TXLNB: variants seen among roughly 807,000 people sequenced by gnomAD.
The protein encoded by TXLNB is beta-taxilin.
Under a neutral mutation model 57.4 loss-of-function variants are expected in TXLNB, and 37 were observed. The ratio of observed to expected loss-of-function variants is 0.64; its 90% CI spans 0.50 to 0.85. TXLNB has a LOEUF of 0.85. Ranked by LOEUF, TXLNB falls within the 40% of genes least tolerant of loss-of-function variation. The pLI, the probability that TXLNB is intolerant of heterozygous loss-of-function variation, is 0.00. For synonymous variants in TXLNB, 302 were observed against 309.6 expected (o/e 0.98, Z 0.26); for missense variants, 848 against 825.6 (o/e 1.03, Z -0.33).
chr6:139,168,867 T>TC, the TXLNB span, among the ~76,000 whole-genome samples: 1 of 152,226 alleles, frequency 6.6e-6, no homozygotes, highest in East Asian at 1.9e-4. Flanking sequence ...ATACATATTT[T>TC]CCCCTTGGAA....
chr6:139,187,138 A>G, the TXLNB span, among the ~76,000 whole-genome samples: 2 of 152,172 alleles, frequency 1.3e-5, no homozygotes. Flanking sequence ...CATCAGCCAG[A>G]AAAAAATACC....
chr6:139,313,448 A>G, the TXLNB span, among the ~76,000 whole-genome samples: 2 of 152,148 alleles, frequency 1.3e-5, no homozygotes, highest in African/African-American at 4.8e-5. Flanking sequence ...GAAAAAAAAA[A>G]AGTTTCCTCC....
the TXLNB span, among the ~76,000 whole-genome samples, chr6:139,163,573 C>T: frequency 2.0e-5 from 3 of 152,046 alleles, no homozygotes; most frequent in East Asian, 1.9e-4. Flanking sequence ...AGGCTAGTAT[C>T]GAACTCCTGA....
chr6:139,166,980 A>T, the TXLNB span: 21 of 1,614,180 alleles, frequency 1.3e-5, no homozygotes, highest in Non-Finnish European at 1.8e-5. Flanking sequence ...GCCCACTTTG[A>T]TTACAGCCCT....
chr6:139,295,974 AT>A (rs1777381584), upstream of TXLNB, among the ~76,000 whole-genome samples: 1 of 152,160 alleles, frequency 6.6e-6, no homozygotes, highest in African/African-American at 2.4e-5. Flanking sequence ...CAAATAATTT[AT>A]GTATTCTAGT....
At chr6:139,222,554 C>A in the TXLNB span, among the ~76,000 whole-genome samples, 1 of 152,154 alleles carries the variant, frequency 6.6e-6, no homozygotes, top group African/African-American at 2.4e-5. Context: ...CTTCTGTAAT[C>A]CTAGCACTTT....
chr6:139,229,295 C>CCTGACAG, the TXLNB span, among the ~76,000 whole-genome samples: 1 of 151,120 alleles, frequency 6.6e-6, no homozygotes. Context: ...GGCTAATGAG[C>CCTGACAG]AAAAGTGATT....
the TXLNB span, chr6:139,174,630 G>T: frequency 4.3e-5 from 66 of 1,527,198 alleles, no homozygotes; most frequent in African/African-American, 7.4e-4. Flanking sequence ...CAATAAAGAA[G>T]AAATTCAGTC....
At chr6:139,296,569 G>A (rs1019766311), upstream of TXLNB, among the ~76,000 whole-genome samples, 5 of 152,042 alleles carry the variant, frequency 3.3e-5, no homozygotes, top group African/African-American at 1.2e-4. Context: ...AGACTCAAAT[G>A]TTTAACCTCT....
At chr6:139,174,913 C>T in the TXLNB span, among the ~76,000 whole-genome samples, 3 of 151,976 alleles carry the variant, frequency 2.0e-5, no homozygotes, top group Non-Finnish European at 4.4e-5. Context: ...AGTATATTTT[C>T]TAAGATTCTG....
the TXLNB span, among the ~76,000 whole-genome samples, chr6:139,205,422 A>T: frequency 1.4e-4 from 21 of 152,338 alleles, no homozygotes; most frequent in East Asian, 1.7e-3. Context: ...AAAGAAATTT[A>T]AAAAATAGTC....
chr6:139,299,835 T>A, the TXLNB span, among the ~76,000 whole-genome samples: 1 of 151,562 alleles, frequency 6.6e-6, no homozygotes, highest in African/African-American at 2.4e-5. Context: ...AAAAAAAAAA[T>A]GGCTCTTTTA....
the TXLNB span, among the ~76,000 whole-genome samples, chr6:139,184,608 G>A: frequency 2.4e-5 from 2 of 82,274 alleles, no homozygotes; most frequent in African/African-American, 6.6e-5. Context: ...TCTACACCAC[G>A]AATTCATCAT....
the TXLNB span, among the ~76,000 whole-genome samples, chr6:139,219,411 GGCAGCC>G: frequency 6.6e-6 from 1 of 152,312 alleles, no homozygotes; most frequent in African/African-American, 2.4e-5. Context: ...TGCAGAAGCT[GGCAGCC>G]GCACGGAGGC....
chr6:139,235,777 G>A (rs188096826), downstream of TXLNB, among the ~76,000 whole-genome samples: 67 of 152,056 alleles, frequency 4.4e-4, no homozygotes, highest in East Asian at 9.7e-3. Context: ...AAGACCATCC[G>A]GGCCCGCCAC....
rs1017351463 is a variant in TXLNB at position 139,241,803 on chromosome 6, A to G, written c.*723T>C. 1 of 152,244 alleles carries G rather than the reference A, an allele frequency of 6.6e-6. No homozygotes were observed. Among genetic ancestry groups the G allele is most frequent in the African/African-American group, 2.4e-5 (1 of 41,472 alleles). The allele number at this position is 152,244 out of a possible 1,614,324, so 9.4% of individuals were successfully genotyped here. A position where few individuals can be genotyped will look rare whatever the true frequency, so the allele number is the denominator to read the frequency against. ...ATTGGGTTACTTATTTTTGCCCAAC[A>G]TAATGATAGCCTAAATACTTATAGT... On this transcript the variant is annotated 3_prime_UTR_variant, in exon 10 of 10. Coordinates refer to ENST00000358430, the MANE Select transcript of TXLNB (RefSeq NM_153235.4).
the TXLNB span, chr6:139,174,660 A>G: frequency 1.4e-6 from 2 of 1,420,944 alleles, no homozygotes; most frequent in Non-Finnish European, 1.9e-6. Flanking sequence ...TGGCTGAGTT[A>G]CTACTTGTAA....
the TXLNB span, among the ~76,000 whole-genome samples, chr6:139,208,433 A>C: frequency 3.9e-5 from 6 of 152,260 alleles, no homozygotes; most frequent in Non-Finnish European, 7.4e-5. Flanking sequence ...TCCTTCCTAA[A>C]TCATTCTATG....
At chr6:139,213,551 C>A in the TXLNB span, among the ~76,000 whole-genome samples, 1 of 152,252 alleles carries the variant, frequency 6.6e-6, no homozygotes, top group South Asian at 2.1e-4. Flanking sequence ...GACACCCTAA[C>A]ATCACAATTA....
Sources: gnomAD v4.1 joint callset for allele counts (sites outside exome capture counted in the v4.1 genomes callset) on GRCh38, gnomAD v4.1.1 for gene constraint, MANE v1.5 for transcripts, NCBI Gene and HGNC (gene_info 2026-07-23, HGNC 2026-07-21) for gene names.